ATP8A2: variants seen among roughly 807,000 people sequenced by gnomAD.
The protein encoded by ATP8A2 is phospholipid-transporting ATPase IB.
A neutral mutation model predicts 165.6 loss-of-function variants in ATP8A2; 100 were observed. The observed-to-expected ratio is 0.60, with a 90% CI of 0.51 to 0.71. The LOEUF (loss-of-function observed/expected upper bound fraction) is 0.71, where lower values mean the gene tolerates loss of function less well. Among genes scored for constraint, ATP8A2 ranks in the 30% least tolerant of loss-of-function variants. The pLI is 0.00. For missense variants in ATP8A2, 1,227 were observed against 1,479.5 expected, an observed-to-expected ratio of 0.83 and a Z score of 2.80; for synonymous variants, 543 against 548.8, an observed-to-expected ratio of 0.99 and a Z score of 0.15.
chr13:25,410,419 C>T (rs2033933664), intron 1 of ATP8A2, among the ~76,000 whole-genome samples: 1 of 152,224 alleles, frequency 6.6e-6, no homozygotes, highest in African/African-American at 2.4e-5. Flanking sequence ...TCATTACATA[C>T]CTGCTTCTCC....
At chr13:25,444,842 C>T (rs1198120535) in intron 1 of ATP8A2, among the ~76,000 whole-genome samples, 28 of 152,078 alleles carry the variant, frequency 1.8e-4, no homozygotes, top group Admixed American at 1.8e-3. Context: ...GATGGGGTTT[C>T]ACCATATTGG....
intron 33 of ATP8A2, among the ~76,000 whole-genome samples, chr13:25,939,144 T>C (rs1168643103): frequency 2.0e-5 from 3 of 152,102 alleles, no homozygotes; most frequent in Non-Finnish European, 4.4e-5. Context: ...CGCCAGGCCT[T>C]CTCCTTTCCT....
chr13:25,490,096 C>A (rs544226752), intron 2 of ATP8A2, among the ~76,000 whole-genome samples: 5 of 152,228 alleles, frequency 3.3e-5, no homozygotes, highest in Admixed American at 1.3e-4. Context: ...CTTAGCTTTT[C>A]GGGTATATTT....
At chr13:25,660,606 C>T (rs1426845208) in intron 24 of ATP8A2, among the ~76,000 whole-genome samples, 1 of 151,760 alleles carries the variant, frequency 6.6e-6, no homozygotes, top group East Asian at 1.9e-4. Context: ...AAAGGGTGCT[C>T]CAGGTTAACT....
At chr13:25,684,726 T>C (rs923191203) in intron 24 of ATP8A2, among the ~76,000 whole-genome samples, 1 of 146,218 alleles carries the variant, frequency 6.8e-6, no homozygotes, top group Non-Finnish European at 1.5e-5. Flanking sequence ...ACCTATTAAA[T>C]GTAAGTCTGG....
intron 2 of ATP8A2, among the ~76,000 whole-genome samples, chr13:25,495,338 G>A (rs1454286230): frequency 6.6e-6 from 1 of 152,200 alleles, no homozygotes; most frequent in Non-Finnish European, 1.5e-5. Flanking sequence ...GATGAGGACT[G>A]GGTGAGGTGT....
At chr13:26,015,386 A>C (rs1486716653) in intron 36 of ATP8A2, among the ~76,000 whole-genome samples, 1 of 152,160 alleles carries the variant, frequency 6.6e-6, no homozygotes, top group Non-Finnish European at 1.5e-5. Context: ...TAATCTTGGT[A>C]GTATTTTAGT....
intron 33 of ATP8A2, among the ~76,000 whole-genome samples, chr13:25,946,359 A>G (rs952609806): frequency 6.6e-6 from 1 of 152,186 alleles, no homozygotes; most frequent in African/African-American, 2.4e-5. Flanking sequence ...AATCCACTGC[A>G]TGGAAGGCAA....
chr13:25,920,811 G>A (rs1278818833), intron 33 of ATP8A2, among the ~76,000 whole-genome samples: 1 of 152,096 alleles, frequency 6.6e-6, no homozygotes, highest in Non-Finnish European at 1.5e-5. Context: ...GGGCAGGCTG[G>A]GCCTGCCTGT....
chr13:25,890,888 C>A (rs1953340074), intron 33 of ATP8A2, among the ~76,000 whole-genome samples: 2 of 152,296 alleles, frequency 1.3e-5, no homozygotes, highest in South Asian at 2.1e-4. Context: ...GCATTACTCT[C>A]AGGTTAAGTC....
chr13:25,641,003 C>A (rs904298987), intron 24 of ATP8A2, among the ~76,000 whole-genome samples: 5 of 152,262 alleles, frequency 3.3e-5, no homozygotes, highest in East Asian at 1.9e-4. Flanking sequence ...AAGACAAAAA[C>A]CACATGATGA....
chr13:26,002,203 A>G (rs1442099042), intron 35 of ATP8A2, among the ~76,000 whole-genome samples: 1 of 152,206 alleles, frequency 6.6e-6, no homozygotes, highest in Non-Finnish European at 1.5e-5. Flanking sequence ...TATTGACTAT[A>G]GTTACCCTGT....
chr13:25,968,457 C>A (rs761578024), intron 34 of ATP8A2, 118 bp from the exon 35 acceptor site: 2 of 821,020 alleles, frequency 2.4e-6, no homozygotes, highest in South Asian at 1.6e-5. Flanking sequence ...CACCACTTCC[C>A]GAGCCTCGGC....
chr13:25,386,925 A>G (rs2033070880), intron 1 of ATP8A2, among the ~76,000 whole-genome samples: 1 of 148,100 alleles, frequency 6.8e-6, no homozygotes, highest in South Asian at 2.2e-4. Flanking sequence ...GGAACCCGGG[A>G]GGCGGAGCTT....
At chr13:25,683,988 T>C (rs1357937920) in intron 24 of ATP8A2, among the ~76,000 whole-genome samples, 1 of 152,260 alleles carries the variant, frequency 6.6e-6, no homozygotes, top group Admixed American at 6.5e-5. Flanking sequence ...TTCTATTTGA[T>C]TTCTATTTTT....
intron 30 of ATP8A2, among the ~76,000 whole-genome samples, chr13:25,853,803 C>T (rs147583889): frequency 2.0e-5 from 3 of 152,298 alleles, no homozygotes; most frequent in Non-Finnish European, 2.9e-5. Flanking sequence ...GGGAGAAGAT[C>T]TGAGACTCAA....
intron 35 of ATP8A2, among the ~76,000 whole-genome samples, chr13:25,983,778 A>G (rs903577631): frequency 2.4e-4 from 36 of 152,266 alleles, no homozygotes; most frequent in African/African-American, 8.4e-4. Context: ...AGAAACAGAG[A>G]AACAGTAAGG....
chr13:25,465,708 TTTCTTTC>T (rs1193923812), intron 1 of ATP8A2, among the ~76,000 whole-genome samples: 16 of 23,418 alleles, frequency 6.8e-4, no homozygotes, highest in Admixed American at 1.9e-3. Flanking sequence ...TCTTTCTTTC[TTTCTTTC>T]TTTCTTTCTT....
Position 25,876,906 on chromosome 13 carries a change from C to T in ATP8A2, c.3183+14498C>T, listed in dbSNP as rs79815815. On this transcript the variant is annotated intron_variant, in intron 33 of 36. Transcript: ENST00000381655. Reference sequence around the variant, plus strand: ...TTGATTCTAAGTGAGATTTTAAAATCTAAGATGAGCATGATTTTGGAAAAT... The same window carrying T: ...TTGATTCTAAGTGAGATTTTAAAATTTAAGATGAGCATGATTTTGGAAAAT... 5.7e-3 allele frequency among the ~76,000 whole-genome samples: 861 copies of T among 151,996 alleles called. 12 individuals carry two copies. Among genetic ancestry groups the T allele is most frequent in the African/African-American group, 0.02 (818 of 41,452 alleles).
Sources: allele counts gnomAD v4.1 joint callset (sites outside exome capture counted in the v4.1 genomes callset), GRCh38; gene constraint gnomAD v4.1.1; transcripts MANE v1.5; gene names NCBI Gene and HGNC (gene_info 2026-07-23, HGNC 2026-07-21).